The following THAP6 variants were observed in gnomAD, a reference collection of about 807,000 sequenced individuals.
THAP6 encodes the protein THAP domain-containing protein 6.
Under a neutral mutation model 20.0 loss-of-function variants are expected in THAP6, and 13 were observed. The ratio of observed to expected loss-of-function variants is 0.65; its 90% confidence interval spans 0.42 to 1.03. The LOEUF (loss-of-function observed/expected upper bound fraction) is 1.03, where lower values mean the gene tolerates loss of function less well. Among genes scored for constraint, THAP6 ranks in the 50% least tolerant of loss-of-function variants. THAP6 has a pLI of 0.00. For missense variants in THAP6, 262 were observed against 261.6 expected (o/e 1.00, Z -0.01); for synonymous variants, 93 against 92.2 (o/e 1.01, Z -0.05).
At chr4:75,514,049 T>C, upstream of THAP6, 1 of 1,272,704 alleles carries the variant, frequency 7.9e-7, no homozygotes, top group Non-Finnish European at 1.1e-6. Flanking sequence ...AAAAACGTTC[T>C]CCTCAAGAAG....
downstream of THAP6, among the ~76,000 whole-genome samples, chr4:75,531,904 C>T (rs1463957705): frequency 6.6e-6 from 1 of 152,028 alleles, no homozygotes; most frequent in Non-Finnish European, 1.5e-5. Flanking sequence ...CCACTGGGTC[C>T]CTCCCACAAC....
chr4:75,514,470 G>T (rs1184338513), upstream of THAP6: 1 of 582,222 alleles, frequency 1.7e-6, no homozygotes. Flanking sequence ...CGGAAGCGAA[G>T]GCAGACGCAG....
chr4:75,515,624 T>C, intron 2 of THAP6, 92 bp downstream of exon 2: 1 of 1,197,874 alleles, frequency 8.3e-7, no homozygotes, highest in South Asian at 1.3e-5. Flanking sequence ...TGAACTTTAG[T>C]TCCCGAGTCC....
At chr4:75,521,892 ATTC>A in intron 4 of THAP6, 31 bp downstream of exon 4, 1 of 1,612,570 alleles carries the variant, frequency 6.2e-7, no homozygotes, top group Non-Finnish European at 8.5e-7. Flanking sequence ...GCTCATGTTA[ATTC>A]TTTTAAGATG....
In THAP6 at chr4:75,527,688, G is replaced by A. The variant is rs542396038; in HGVS notation, c.*474G>A. On this transcript the variant is annotated 3_prime_UTR_variant, in exon 5 of 5. Coordinates refer to ENST00000311638, the MANE Select transcript of THAP6 (RefSeq NM_144721.6). ...ATCCATCTTGGATTCAATCCAAGGT[G>A]CTTTAGCTATCAGTAGTACCAAAGG... 2 of 991,512 alleles carry A rather than the reference G, an allele frequency of 2.0e-6. No individual in the cohort carries two copies. The highest frequency in any genetic ancestry group is 5.7e-5 in the Admixed American group (1 of 17,546). The allele number at this position is 991,512 out of a possible 1,614,324, so 61.4% of individuals were successfully genotyped here.
intron 3 of THAP6, among the ~76,000 whole-genome samples, chr4:75,544,930 A>C (rs1578285863): frequency 1.3e-5 from 2 of 152,280 alleles, no homozygotes; most frequent in East Asian, 3.9e-4. Context: ...GAGCACACCT[A>C]CTATAGAAAT....
At chr4:75,530,225 C>T (rs1726636421), downstream of THAP6, among the ~76,000 whole-genome samples, 1 of 152,136 alleles carries the variant, frequency 6.6e-6, no homozygotes, top group Non-Finnish European at 1.5e-5. Context: ...TGCATTGGCC[C>T]TCACTCAAAA....
downstream of THAP6, among the ~76,000 whole-genome samples, chr4:75,533,906 C>A (rs1244523528): frequency 2.0e-5 from 3 of 151,752 alleles, no homozygotes; most frequent in Admixed American, 1.3e-4. Flanking sequence ...TGCTATCCCT[C>A]CCCCTCCCCC....
chr4:75,518,010 G>T (rs187006292), intron 3 of THAP6, among the ~76,000 whole-genome samples: 12 of 152,322 alleles, frequency 7.9e-5, no homozygotes, highest in African/African-American at 2.9e-4. Context: ...CTCCCATGCA[G>T]TCCTGGTCAC....
At chr4:75,540,045 A>C (rs1343698767) in intron 2 of THAP6, 8 of 1,436,750 alleles carry the variant, frequency 5.6e-6, no homozygotes, top group Non-Finnish European at 7.4e-6. Flanking sequence ...GAAAGGGAAA[A>C]TTTCAATCAC....
Position 75,527,547 on chromosome 4 carries a change from T to G in THAP6, c.*333T>G. 9.4e-7 allele frequency: 1 copy of G among 1,068,906 alleles called. No homozygotes were observed. The highest frequency in any genetic ancestry group is 1.1e-6 in the Non-Finnish European group (1 of 881,566). The allele number at this position is 1,068,906 out of a possible 1,614,324, so 66.2% of individuals were successfully genotyped here. ...AGCTATAGTAGAAGGAATTGGACAC[T>G]TCTCCAGATATTTGGCTTCAAAGGA... On this transcript the variant is annotated 3_prime_UTR_variant, in exon 5 of 5. Transcript: ENST00000311638.
intron 3 of THAP6, among the ~76,000 whole-genome samples, chr4:75,545,333 C>T (rs566813741): frequency 3.3e-4 from 51 of 152,310 alleles, no homozygotes; most frequent in Admixed American, 9.1e-4. Flanking sequence ...CGGGATGTTA[C>T]TGCCATTCTG....
downstream of THAP6, among the ~76,000 whole-genome samples, chr4:75,534,786 C>T (rs1423940955): frequency 1.3e-5 from 2 of 152,168 alleles, no homozygotes; most frequent in East Asian, 3.9e-4. Context: ...GACATTTATG[C>T]AGCCAACAGA....
At chr4:75,514,742 C>T (rs994120326) in intron 1 of THAP6, 3 of 160,066 alleles carry the variant, frequency 1.9e-5, no homozygotes, top group Admixed American at 6.1e-5. Context: ...GCCCTGGGCT[C>T]AGCGGGTCCC....
At chr4:75,517,177 C>T in intron 3 of THAP6, 198 bp downstream of exon 3, 1 of 489,746 alleles carries the variant, frequency 2.0e-6, no homozygotes, top group Non-Finnish European at 3.6e-6. Flanking sequence ...GCCACCACAC[C>T]TGGCTAATTT....
intron 3 of THAP6, chr4:75,517,199 G>A: frequency 2.3e-6 from 1 of 433,806 alleles, no homozygotes; most frequent in Admixed American, 3.7e-5. Flanking sequence ...TGTATTTTTA[G>A]GAGAGATGGC....
intron 2 of THAP6, among the ~76,000 whole-genome samples, chr4:75,537,462 GC>G (rs1360674420): frequency 1.3e-5 from 2 of 151,842 alleles, no homozygotes; most frequent in African/African-American, 2.4e-5. Context: ...AACCCATTTT[GC>G]TTGGCTCTCA....
intron 3 of THAP6, chr4:75,542,628 G>A (rs886425160): frequency 1.8e-6 from 1 of 571,178 alleles, no homozygotes; most frequent in Non-Finnish European, 3.1e-6. Context: ...TTTGCCCAAG[G>A]TTTCACAGCT....
intron 2 of THAP6, among the ~76,000 whole-genome samples, chr4:75,535,940 A>G (rs977700900): frequency 3.3e-5 from 5 of 152,192 alleles, no homozygotes; most frequent in African/African-American, 1.2e-4. Flanking sequence ...TATTGATTGT[A>G]TACCCTTAAC....
Sources: allele counts gnomAD v4.1 joint callset (sites outside exome capture counted in the v4.1 genomes callset), GRCh38; gene constraint gnomAD v4.1.1; transcripts MANE v1.5; gene names NCBI Gene and HGNC (gene_info 2026-07-23, HGNC 2026-07-21).